Variants in SCRT1 observed in about 807,000 individuals in gnomAD.
The protein encoded by SCRT1 is transcriptional repressor scratch 1.
SCRT1 carries 1 observed loss-of-function variant against 3.4 expected under a neutral mutation model. The observed-to-expected ratio is 0.29, with a 90% CI of 0.10 to 1.39. SCRT1 has a LOEUF of 1.39. Among genes scored for constraint, SCRT1 ranks in the 40% most tolerant of loss-of-function variants. The pLI is 0.42. For missense variants in SCRT1, 380 were observed against 526.3 expected (o/e 0.72, Z 2.72); for synonymous variants, 238 against 247.0 (o/e 0.96, Z 0.34).
At position 144,333,997 on chromosome 8, in the gene SCRT1, G is replaced by T; in HGVS notation, c.235C>A (p.Pro79Thr). 1 of 1,440,942 alleles carries T rather than the reference G, an allele frequency of 6.9e-7. No individual in the cohort carries two copies. Among genetic ancestry groups the T allele is most frequent in the Non-Finnish European group, 9.1e-7 (1 of 1,097,690 alleles). 89.3% of individuals were successfully genotyped at this position (1,440,942 alleles called of 1,614,324 possible). ...YAAAVRGELG[P>T]AAAGSAPPPT... ...GGCGGCGCAGACCCTGCAGCCGCCG[G>T]ACCCAGCTCTCCACGCACAGCTGCT... Residue 79 changes from proline (P) to threonine (T), a missense_variant, in exon 2 of 2, where the codon CCG becomes ACG. Pro to Thr is a conservative substitution (Grantham distance 38). This residue lies in a region of SCRT1 where 125 missense variants were observed against 132.7 expected (regional missense o/e 0.94). Transcript: ENST00000569446.
In SCRT1 at chr8:144,333,809, C is replaced by A. The variant is rs1195674707; in HGVS notation, c.423G>T (p.Ser141=). The change falls in exon 2 of 2, where the codon TCG becomes TCT. Residue 141 remains serine, a synonymous_variant. Transcript: ENST00000569446. ...CGGCGTCGCCGTCGGGGGCCGCCGCCGAGGCTGTGGAGGGAGCGGCGGCAG... is the reference window on the plus strand; with the variant it reads ...CGGCGTCGCCGTCGGGGGCCGCCGCAGAGGCTGTGGAGGGAGCGGCGGCAG... ...AGAAAAPSTA[S]AAAPDGDAGG... The A allele has an allele frequency of 8.2e-7, 1 of 1,220,088 alleles. No homozygotes were observed. Among genetic ancestry groups the A allele is most frequent in the African/African-American group, 1.6e-5 (1 of 63,642 alleles). 75.6% of individuals were successfully genotyped at this position (1,220,088 alleles called of 1,614,324 possible).
In SCRT1 at chr8:144,332,835, A is replaced by C; in HGVS notation, c.*350T>G. The C allele has an allele frequency of 4.5e-6, 1 of 223,498 alleles. No individual in the cohort carries two copies. Among genetic ancestry groups the C allele is most frequent in the Non-Finnish European group, 8.7e-6 (1 of 114,304 alleles). 13.8% of individuals were successfully genotyped at this position (223,498 alleles called of 1,614,324 possible). On this transcript the variant is annotated 3_prime_UTR_variant, in exon 2 of 2. Coordinates refer to ENST00000569446, the MANE Select transcript of SCRT1 (RefSeq NM_031309.6). ...TCCCTGCGACGCGATCCAGGGGCGC[A>C]GAGGCGGGAGAAGGAGGGCGCTCCC...
rs1554849814 is a variant in SCRT1, at chr8:144,333,226, C to A, written c.1006G>T (p.Ala336Ser). Residue 336 changes from alanine to serine, a missense_variant, in exon 2 of 2, where the codon GCG becomes TCG. Ala to Ser is a moderately conservative substitution (Grantham distance 99). Coordinates refer to ENST00000569446, the MANE Select transcript of SCRT1 (RefSeq NM_031309.6). ...CTGAGCTGTGGCGGCGCAGGAGCCG[C>A]GGGGCCTCCGGCGCCGCCCTTGAAG... ...ACFKGGAGGPAAPAPPQLSPV... is the reference protein window; with the variant it reads ...ACFKGGAGGPSAPAPPQLSPV... The A allele has an allele frequency of 6.3e-7, 1 of 1,592,220 alleles. No homozygotes were observed. Among genetic ancestry groups the A allele is most frequent in the Non-Finnish European group, 8.5e-7 (1 of 1,171,600 alleles).
Position 144,333,800 on chromosome 8 carries a change from G to A in SCRT1, c.432C>T (p.Ala144=). ...AAAPSTASAA[A]PDGDAGGGGG... Reference sequence around the variant, plus strand: ...CCCCGCCTCCGGCGTCGCCGTCGGGGGCCGCCGCCGAGGCTGTGGAGGGAG... The same window carrying A: ...CCCCGCCTCCGGCGTCGCCGTCGGGAGCCGCCGCCGAGGCTGTGGAGGGAG... Residue 144 remains alanine, a synonymous_variant, in exon 2 of 2, where the codon GCC becomes GCT. Transcript: ENST00000569446. The A allele has an allele frequency of 2.5e-6, 3 of 1,217,008 alleles. No homozygotes were observed. The highest frequency in any genetic ancestry group is 2.0e-6 in the Non-Finnish European group (2 of 978,882). 75.4% of individuals were successfully genotyped at this position (1,217,008 alleles called of 1,614,324 possible).
At position 144,336,059 on chromosome 8, in the gene SCRT1, A is replaced by G. The variant is rs782174910; in HGVS notation, c.111T>C (p.Asp37=). ...TGGTCTCAGACCAGCGCTCACCTTT[A>G]TCGTGCAGTGGCGCGCCGAGGTCGC... ...ARSDLGAPLH[D]KGYLSDYVGP... Residue 37 remains aspartate (D), a synonymous_variant, in exon 1 of 2, where the codon GAT becomes GAC. Coordinates refer to ENST00000569446, the MANE Select transcript of SCRT1 (RefSeq NM_031309.6). The surrounding 1 kb of genome is among the most constrained non-coding windows in gnomAD (Gnocchi z 6.8). The G allele has an allele frequency of 3.1e-6, 5 of 1,597,454 alleles. No individual in the cohort carries two copies. The South Asian group carries it at 5.6e-5, about 18-fold the overall frequency.
Position 144,336,217 on chromosome 8 carries a change from G to C in SCRT1, c.-48C>G, listed in dbSNP as rs199927189. 4.2e-4 allele frequency: 582 copies of C among 1,385,704 alleles called. 8 individuals carry two copies. In the South Asian group the frequency reaches 7.2e-3, roughly 17 times the overall value. The allele number at this position is 1,385,704 out of a possible 1,614,324, so 85.8% of individuals were successfully genotyped here. ...TGTGGGCCTGCGGAGCCGGGGCTTG[G>C]GGGGGCTGCGGCGGCAGGGCCCCGT... On this transcript the variant is annotated 5_prime_UTR_variant, in exon 1 of 2. Coordinates refer to ENST00000569446, the MANE Select transcript of SCRT1 (RefSeq NM_031309.6). This position sits in a 1 kb window ranked among gnomAD's most constrained non-coding sequence, Gnocchi z 6.8.
rs1377236647 is a variant in SCRT1 at position 144,333,966 on chromosome 8, G to A, written c.266C>T (p.Thr89Ile). 2.9e-6 allele frequency: 4 copies of A among 1,361,710 alleles called. No individual in the cohort carries two copies. Among genetic ancestry groups the A allele is most frequent in the Admixed American group, 3.7e-5 (1 of 27,034 alleles). 84.4% of individuals were successfully genotyped at this position (1,361,710 alleles called of 1,614,324 possible). A position where few individuals can be genotyped will look rare whatever the true frequency, so the allele number is the denominator to read the frequency against. ...AGCGGTGGCCAGCTCCGGGCGCGGG[G>A]TGGGCGGCGGCGCAGACCCTGCAGC... Reference protein sequence around the residue: ...PAAAGSAPPPTPRPELATAAG... With the variant: ...PAAAGSAPPPIPRPELATAAG... The change falls in exon 2 of 2, where the codon ACC (threonine) becomes ATC (isoleucine). Residue 89 changes from threonine to isoleucine, a missense_variant. Thr to Ile is a moderately conservative substitution (Grantham distance 89). This residue lies in a region of SCRT1 where 125 missense variants were observed against 132.7 expected (regional missense o/e 0.94). Coordinates refer to ENST00000569446, the MANE Select transcript of SCRT1 (RefSeq NM_031309.6).
Position 144,333,000 on chromosome 8 carries a change from G to T in SCRT1, c.*185C>A, listed in dbSNP as rs1479130136. On this transcript the variant is annotated 3_prime_UTR_variant, in exon 2 of 2. Coordinates refer to ENST00000569446, the MANE Select transcript of SCRT1 (RefSeq NM_031309.6). ...GGGCTCGGGGTGGGTCTCCCCTCGG[G>T]ACCCTATTGCTTGAAGGGGCCGGCA... is the stretch of plus-strand genomic sequence containing the variant. 3.6e-6 allele frequency: 2 copies of T among 551,544 alleles called. No individual in the cohort carries two copies. Among genetic ancestry groups the T allele is most frequent in the East Asian group, 3.2e-5 (1 of 31,032 alleles). The allele number at this position is 551,544 out of a possible 1,614,324, so 34.2% of individuals were successfully genotyped here. A position where few individuals can be genotyped will look rare whatever the true frequency, so the allele number is the denominator to read the frequency against.
Position 144,333,325 on chromosome 8 carries a change from G to T in SCRT1, c.907C>A (p.His303Asn). The T allele has an allele frequency of 6.2e-7, 1 of 1,612,872 alleles. No individual in the cohort carries two copies. The highest frequency in any genetic ancestry group is 8.5e-7 in the Non-Finnish European group (1 of 1,179,738). Reference sequence around the variant, plus strand: ...TTCTTGCAGCGCTTGCACTGGAAGTGCTTGAAGGCCGAATGCGTCTGCATG... The same window carrying T: ...TTCTTGCAGCGCTTGCACTGGAAGTTCTTGAAGGCCGAATGCGTCTGCATG... ...AHMQTHSAFK[H>N]FQCKRCKKSF... The change falls in exon 2 of 2, where the codon CAC (histidine) becomes AAC (asparagine). Residue 303 changes from histidine to asparagine, a missense_variant. His to Asn is a moderately conservative substitution (Grantham distance 68). Coordinates refer to ENST00000569446, the MANE Select transcript of SCRT1 (RefSeq NM_031309.6).
chr8:144,332,958 CTGGAGG>C lies in SCRT1; in HGVS notation c.*221_*226del, dbSNP rs1483684811. On this transcript the variant is annotated 3_prime_UTR_variant, in exon 2 of 2. Coordinates refer to ENST00000569446, the MANE Select transcript of SCRT1 (RefSeq NM_031309.6). ...TTGCTGGGAGAAAGCCGGGGGCACC[CTGGAGG>C]GGAGGGGAGGGGGCTCGGGGTGGGT... is the stretch of plus-strand genomic sequence containing the variant. 5 of 473,740 alleles carry C rather than the reference CTGGAGG, an allele frequency of 1.1e-5. No homozygotes were observed. In the African/African-American group the frequency reaches 1.2e-4, roughly 11 times the overall value. The allele number at this position is 473,740 out of a possible 1,614,324, so 29.3% of individuals were successfully genotyped here.
chr8:144,333,238 C>A lies in SCRT1; in HGVS notation c.994G>T (p.Ala332Ser). ...GGCGCAGGAGCCGCGGGGCCTCCGG[C>A]GCCGCCCTTGAAGCAGGCCGACTCG... ...HYESACFKGG[A>S]GGPAAPAPPQ... The change falls in exon 2 of 2, where the codon GCC becomes TCC. Residue 332 changes from alanine (A) to serine (S), a missense_variant. Ala to Ser is a moderately conservative substitution (Grantham distance 99, BLOSUM62 1). Coordinates refer to ENST00000569446, the MANE Select transcript of SCRT1 (RefSeq NM_031309.6). The A allele has an allele frequency of 6.2e-7, 1 of 1,600,900 alleles. No homozygotes were observed. Among genetic ancestry groups the A allele is most frequent in the Non-Finnish European group, 8.5e-7 (1 of 1,175,394 alleles).
At position 144,333,666 on chromosome 8, in the gene SCRT1, C is replaced by A; in HGVS notation, c.566G>T (p.Gly189Val). The change falls in exon 2 of 2, where the codon GGC (glycine) becomes GTC (valine). Residue 189 changes from glycine to valine, a missense_variant. This residue lies in a region of SCRT1 where 115 missense variants were observed against 107.3 expected (regional missense o/e 1.07). Coordinates refer to ENST00000569446, the MANE Select transcript of SCRT1 (RefSeq NM_031309.6). ...RAGPGAAGAG[G>V]RHACGECGKT... ...GCCGCACTCGCCGCACGCGTGCCGG[C>A]CGCCAGCACCTGCGGCCCCTGGCCC... 1 of 1,527,696 alleles carries A rather than the reference C, an allele frequency of 6.5e-7. No homozygotes were observed. 94.6% of individuals were successfully genotyped at this position (1,527,696 alleles called of 1,614,324 possible). A position where few individuals can be genotyped will look rare whatever the true frequency, so the allele number is the denominator to read the frequency against.
In SCRT1 at chr8:144,333,865, G is replaced by C; in HGVS notation, c.367C>G (p.Arg123Gly). The C allele has an allele frequency of 7.9e-7, 1 of 1,263,046 alleles. No homozygotes were observed. Among genetic ancestry groups the C allele is most frequent in the Non-Finnish European group, 1.0e-6 (1 of 1,004,716 alleles). The allele number at this position is 1,263,046 out of a possible 1,614,324, so 78.2% of individuals were successfully genotyped here. ...GCATTGGAAGCCTTACGCCGCGAGC[G>C]CCCGTCGGTGATGAAGAAGGCGTCC... ...AADAFFITDG[R>G]SRRKASNAGA... Residue 123 changes from arginine (R) to glycine (G), a missense_variant, in exon 2 of 2, where the codon CGC becomes GGC. Physicochemically the swap from Arg to Gly is moderately radical, Grantham distance 125. This residue lies in a region of SCRT1 where 115 missense variants were observed against 107.3 expected (regional missense o/e 1.07). Coordinates refer to ENST00000569446, the MANE Select transcript of SCRT1 (RefSeq NM_031309.6).
In SCRT1 at chr8:144,332,258, G is replaced by C. The variant is rs1024883129; in HGVS notation, c.*927C>G. The C allele has an allele frequency of 1.3e-5, 2 of 152,442 alleles. No individual in the cohort carries two copies. The highest frequency in any genetic ancestry group is 4.8e-5 in the African/African-American group (2 of 41,564). 9.4% of individuals were successfully genotyped at this position (152,442 alleles called of 1,614,324 possible). A position where few individuals can be genotyped will look rare whatever the true frequency, so the allele number is the denominator to read the frequency against. ...TTCATAAATAAAACGTACAAATACA[G>C]AAAAAGAAACCCGACGCGTCCGCAA... On this transcript the variant is annotated 3_prime_UTR_variant, in exon 2 of 2. Coordinates refer to ENST00000569446, the MANE Select transcript of SCRT1 (RefSeq NM_031309.6).
Position 144,334,017 on chromosome 8 carries a change from G to A in SCRT1, c.215C>T (p.Ala72Val). 6.6e-7 allele frequency: 1 copy of A among 1,509,222 alleles called. No homozygotes were observed. The highest frequency in any genetic ancestry group is 8.8e-7 in the Non-Finnish European group (1 of 1,133,248). 93.5% of individuals were successfully genotyped at this position (1,509,222 alleles called of 1,614,324 possible). Residue 72 changes from alanine to valine, a missense_variant, in exon 2 of 2, where the codon GCT (alanine) becomes GTT (valine). Ala to Val is a moderately conservative substitution (Grantham distance 64). Transcript: ENST00000569446. Reference protein sequence around the residue: ...GPSPEPMYAAAVRGELGPAAA... With the variant: ...GPSPEPMYAAVVRGELGPAAA... ...CGCCGGACCCAGCTCTCCACGCACA[G>A]CTGCTGCGTACATGGGCTCCGGCGA...
In SCRT1 at chr8:144,335,862, C is replaced by G. The variant is rs1554850238; in HGVS notation, c.115+193G>C. Among the ~76,000 whole-genome samples the G allele has an allele frequency of 6.6e-6, 1 of 152,232 alleles. No homozygotes were observed. The highest frequency in any genetic ancestry group is 2.4e-5 in the African/African-American group (1 of 41,462). ...CCACCCTCTGTCCAACGTCGACACT[C>G]TCCCTGCCCAGCCTTGGCCTCTGTG... On this transcript the variant is annotated intron_variant, in intron 1 of 1. Coordinates refer to ENST00000569446, the MANE Select transcript of SCRT1 (RefSeq NM_031309.6). The surrounding 1 kb of genome is among the most constrained non-coding windows in gnomAD (Gnocchi z 7.7).
chr8:144,334,154 G>C, intron 1 of SCRT1, 38 bp from the exon 2 acceptor site: 1 of 1,365,958 alleles, frequency 7.3e-7, no homozygotes, highest in Non-Finnish European at 9.9e-7. Flanking sequence ...GAAGGGAATG[G>C]GGCGGCGGCA....
In SCRT1 at chr8:144,330,615, G is replaced by C. The variant is rs1318502324; in HGVS notation, c.*2570C>G. On this transcript the variant is annotated 3_prime_UTR_variant, in exon 2 of 2. Coordinates refer to ENST00000569446, the MANE Select transcript of SCRT1 (RefSeq NM_031309.6). ...CCTTGTGGAGGTGCGGTGCTCCGGG[G>C]AGCTGGTGCTATTGTGCTTAGGAAG... The C allele has an allele frequency of 6.6e-6, 1 of 152,268 alleles. No individual in the cohort carries two copies. 9.4% of individuals were successfully genotyped at this position (152,268 alleles called of 1,614,324 possible).
rs1817891250 is a variant in SCRT1 at position 144,336,434 on chromosome 8, C to G, written c.-265G>C. On this transcript the variant is annotated 5_prime_UTR_variant, in exon 1 of 2. Coordinates refer to ENST00000569446, the MANE Select transcript of SCRT1 (RefSeq NM_031309.6). This position sits in a 1 kb window ranked among gnomAD's most constrained non-coding sequence, Gnocchi z 6.8. Reference sequence around the variant, plus strand: ...CCTTCCTTCTCTCCTCTTCTCTCCTCTCCTCTTCCTTCCTTCCCTCCTCTG... The same window carrying G: ...CCTTCCTTCTCTCCTCTTCTCTCCTGTCCTCTTCCTTCCTTCCCTCCTCTG... Among the ~76,000 whole-genome samples, 1 of 152,106 alleles carries G rather than the reference C, an allele frequency of 6.6e-6. No individual in the cohort carries two copies. Among genetic ancestry groups the G allele is most frequent in the African/African-American group, 2.4e-5 (1 of 41,432 alleles).
Sources: allele counts gnomAD v4.1 joint callset (sites outside exome capture counted in the v4.1 genomes callset), GRCh38; gene constraint gnomAD v4.1.1; regional missense constraint gnomAD v4.1.1; non-coding constraint Gnocchi (gnomAD v3.1); transcripts MANE v1.5; gene names NCBI Gene and HGNC (gene_info 2026-07-23, HGNC 2026-07-21).